Variants in RNGTT observed in about 807,000 individuals in gnomAD.
The protein encoded by RNGTT is RNA guanylyltransferase and 5'-phosphatase.
Under a neutral mutation model 79.3 loss-of-function variants are expected in RNGTT, and 33 were observed. That is an observed-to-expected ratio of 0.42 (90% CI 0.32 to 0.56). The LOEUF is 0.56. Among genes scored for constraint, RNGTT ranks in the 20% least tolerant of loss-of-function variants. The probability of loss-of-function intolerance (pLI) is 0.17; values close to 1 mark genes in which losing one functional copy is unlikely to be tolerated. For synonymous variants in RNGTT, 222 were observed against 235.9 expected (o/e 0.94, Z 0.54); for missense variants, 497 against 739.1 (o/e 0.67, Z 3.80).
rs544459394 is a variant in RNGTT, at chr6:88,792,713, ACT to A, written c.1338+8849_1338+8850del. Among the ~76,000 whole-genome samples, 174 of 152,296 alleles carry A rather than the reference ACT, an allele frequency of 1.1e-3. 1 individual carries two copies. The highest frequency in any genetic ancestry group is 4.0e-3 in the African/African-American group (166 of 41,560). On this transcript the variant is annotated intron_variant, in intron 12 of 15. Transcript: ENST00000369485. ...GTCTGAAAGTGGAATACATAAGACC[ACT>A]CTGGTGATGGTGGCCTAAACTGAGG...
chr6:88,950,952 G>A (rs895943161), intron 1 of RNGTT, among the ~76,000 whole-genome samples: 2 of 151,040 alleles, frequency 1.3e-5, no homozygotes, highest in Non-Finnish European at 2.9e-5. Context: ...TCCATCTCCC[G>A]GGTTCGAGTG....
chr6:88,751,623 T>G (rs1251816807), intron 13 of RNGTT, among the ~76,000 whole-genome samples: 1 of 152,076 alleles, frequency 6.6e-6, no homozygotes, highest in Non-Finnish European at 1.5e-5. Flanking sequence ...CTGTAAATAC[T>G]GAAACCCTCT....
chr6:88,845,319 C>T (rs1187550430), intron 10 of RNGTT, among the ~76,000 whole-genome samples: 1 of 152,096 alleles, frequency 6.6e-6, no homozygotes, highest in African/African-American at 2.4e-5. Context: ...TAGTACTCTC[C>T]CTCAAATACA....
At chr6:88,752,675 G>T (rs553373703) in intron 13 of RNGTT, among the ~76,000 whole-genome samples, 1 of 152,076 alleles carries the variant, frequency 6.6e-6, no homozygotes, top group South Asian at 2.1e-4. Context: ...TATGTTTTTA[G>T]AAGTGGGAAT....
rs992712389 is a variant in RNGTT at position 88,626,886 on chromosome 6, C to G, written c.1507-12491G>C. ...AAGGTGAGGTAGTGGTAATGACTTA[C>G]TAAACAGAGTGCCAAACTCTACGGC... On this transcript the variant is annotated intron_variant, in intron 14 of 15. Coordinates refer to ENST00000369485, the MANE Select transcript of RNGTT (RefSeq NM_003800.5). Among the ~76,000 whole-genome samples the G allele has an allele frequency of 2.0e-5, 3 of 152,012 alleles. No individual in the cohort carries two copies. In the East Asian group the frequency reaches 5.8e-4, roughly 29 times the overall value.
At chr6:88,698,180 T>C (rs1187643525) in intron 13 of RNGTT, among the ~76,000 whole-genome samples, 3 of 111,730 alleles carry the variant, frequency 2.7e-5, no homozygotes, top group Non-Finnish European at 5.0e-5. Flanking sequence ...ATATATATGA[T>C]ATATATATGA....
intron 8 of RNGTT, among the ~76,000 whole-genome samples, chr6:88,877,497 ATT>A (rs1162198687): frequency 1.3e-5 from 2 of 151,708 alleles, no homozygotes; most frequent in Non-Finnish European, 2.9e-5. Context: ...GAATCTCTGA[ATT>A]TTTTTTTAAT....
intron 13 of RNGTT, among the ~76,000 whole-genome samples, chr6:88,682,865 A>G (rs997644217): frequency 2.0e-5 from 3 of 152,236 alleles, no homozygotes; most frequent in Non-Finnish European, 2.9e-5. Flanking sequence ...GTCTGTAAAG[A>G]CAGAAGTGTA....
chr6:88,778,248 G>A (rs905188640), intron 12 of RNGTT, among the ~76,000 whole-genome samples: 1 of 152,130 alleles, frequency 6.6e-6, no homozygotes, highest in Admixed American at 6.6e-5. Context: ...AGCCTTGAAG[G>A]ATGGGTAATA....
chr6:88,652,053 CTAT>C (rs2127778199), intron 14 of RNGTT, among the ~76,000 whole-genome samples: 1 of 152,188 alleles, frequency 6.6e-6, no homozygotes, highest in African/African-American at 2.4e-5. Context: ...TAATTTTTCA[CTAT>C]TATTAACTGA....
At chr6:88,783,565 A>C (rs1779132576) in intron 12 of RNGTT, among the ~76,000 whole-genome samples, 1 of 152,192 alleles carries the variant, frequency 6.6e-6, no homozygotes, top group African/African-American at 2.4e-5. Context: ...TTGTCACAAA[A>C]TATAGAATTT....
chr6:88,715,947 A>G (rs561666600), intron 13 of RNGTT, among the ~76,000 whole-genome samples: 1 of 152,288 alleles, frequency 6.6e-6, no homozygotes, highest in Non-Finnish European at 1.5e-5. Context: ...AATGGCAACA[A>G]AAGCCAAAAT....
intron 13 of RNGTT, among the ~76,000 whole-genome samples, chr6:88,762,687 T>A (rs935444724): frequency 6.6e-6 from 1 of 152,164 alleles, no homozygotes; most frequent in Non-Finnish European, 1.5e-5. Flanking sequence ...ATAGTAAATA[T>A]ATATTTAGTA....
Position 88,698,189 on chromosome 6 carries a change from G to C in RNGTT, c.1440-19770C>G, listed in dbSNP as rs1481895197. ...TATGACATATATATGATATATATAT[G>C]AAATATATATGATATATATGAAATA... On this transcript the variant is annotated intron_variant, in intron 13 of 15. Transcript: ENST00000369485. 2.9e-5 allele frequency among the ~76,000 whole-genome samples: 3 copies of C among 104,684 alleles called. 1 individual carries two copies. Among genetic ancestry groups the C allele is most frequent in the Non-Finnish European group, 5.3e-5 (3 of 56,094 alleles). The allele number at this position is 104,684 out of a possible 152,430, so 68.7% of individuals were successfully genotyped here.
At chr6:88,636,085 G>A (rs1375874068) in intron 14 of RNGTT, among the ~76,000 whole-genome samples, 1 of 151,992 alleles carries the variant, frequency 6.6e-6, no homozygotes, top group East Asian at 1.9e-4. Flanking sequence ...ACCTGGGAGT[G>A]CATTTATATC....
chr6:88,634,503 A>G (rs1045367376), intron 14 of RNGTT, among the ~76,000 whole-genome samples: 3 of 152,164 alleles, frequency 2.0e-5, no homozygotes, highest in Non-Finnish European at 4.4e-5. Flanking sequence ...TTCACTAAGA[A>G]TGCATAGGGC....
chr6:88,778,510 C>T (rs1045596875), intron 12 of RNGTT, among the ~76,000 whole-genome samples: 1 of 152,136 alleles, frequency 6.6e-6, no homozygotes, highest in Non-Finnish European at 1.5e-5. Flanking sequence ...GATATGGAGT[C>T]TTGCTATCTT....
intron 14 of RNGTT, among the ~76,000 whole-genome samples, chr6:88,643,210 G>GA (rs34497077): frequency 1.2e-4 from 18 of 150,114 alleles, no homozygotes; most frequent in Admixed American, 5.3e-4. Flanking sequence ...GACCAGGTCT[G>GA]AAAAAAAAAG....
At chr6:88,883,170 C>CAAAAAA (rs976114373) in intron 8 of RNGTT, among the ~76,000 whole-genome samples, 1 of 68,890 alleles carries the variant, frequency 1.5e-5, no homozygotes, top group African/African-American at 4.4e-5. Context: ...CTCTTTATGA[C>CAAAAAA]AAAAAAAAAA....
Sources: allele counts gnomAD v4.1 joint callset (sites outside exome capture counted in the v4.1 genomes callset), GRCh38; gene constraint gnomAD v4.1.1; transcripts MANE v1.5; gene names NCBI Gene and HGNC (gene_info 2026-07-23, HGNC 2026-07-21).